RNF180: variants seen among roughly 807,000 people sequenced by gnomAD.
The protein encoded by RNF180 is E3 ubiquitin-protein ligase RNF180.
In RNF180, 38 loss-of-function variants were observed where a neutral mutation model predicts 59.2. The observed-to-expected ratio is 0.64, with a 90% CI of 0.50 to 0.84. The LOEUF is 0.84. Ranked by LOEUF, RNF180 falls within the 40% of genes least tolerant of loss-of-function variation. The probability of loss-of-function intolerance (pLI) is 0.00; values close to 1 mark genes in which losing one functional copy is unlikely to be tolerated. For missense variants in RNF180, 705 were observed against 700.9 expected (o/e 1.01, Z -0.07); for synonymous variants, 262 against 240.3 (o/e 1.09, Z -0.84).
intron 5 of RNF180, among the ~76,000 whole-genome samples, chr5:64,251,754 G>A (rs151201619): frequency 3.3e-5 from 5 of 152,082 alleles, no homozygotes; most frequent in African/African-American, 4.8e-5. Context: ...ATTCAGTAAC[G>A]ATACAGAATA....
intron 7 of RNF180, among the ~76,000 whole-genome samples, chr5:64,363,713 C>G (rs1257502433): frequency 6.6e-6 from 1 of 151,842 alleles, no homozygotes; most frequent in Non-Finnish European, 1.5e-5. Context: ...TTATTCCTAG[C>G]CATCACATGG....
chr5:64,234,757 G>A (rs1050487528), intron 5 of RNF180, among the ~76,000 whole-genome samples: 4 of 151,000 alleles, frequency 2.6e-5, no homozygotes, highest in Non-Finnish European at 5.9e-5. Context: ...CCGCCACCAC[G>A]CCTGGCTAAT....
At chr5:64,203,111 C>CTGTAGGA (rs1309500736) in intron 2 of RNF180, among the ~76,000 whole-genome samples, 1 of 152,120 alleles carries the variant, frequency 6.6e-6, no homozygotes, top group Non-Finnish European at 1.5e-5. Context: ...TCTAGCACTG[C>CTGTAGGA]TGTAGGATGT....
intron 5 of RNF180, among the ~76,000 whole-genome samples, chr5:64,251,220 G>A (rs895279112): frequency 2.0e-5 from 3 of 152,050 alleles, no homozygotes; most frequent in Admixed American, 6.6e-5. Context: ...CATATTTGAC[G>A]AGCCCACAAC....
Position 64,217,355 on chromosome 5 carries a change from CTCT to C in RNF180, c.1192-5_1192-3del. 1.4e-6 allele frequency: 2 copies of C among 1,399,690 alleles called. No individual in the cohort carries two copies. The highest frequency in any genetic ancestry group is 1.9e-6 in the Non-Finnish European group (2 of 1,072,918). The allele number at this position is 1,399,690 out of a possible 1,614,324, so 86.7% of individuals were successfully genotyped here. ...TTTGTGTGAACCTAATTTTTTATTT[CTCT>C]AGGGTAAATACTCAGGAGTGGGATT... On this transcript the variant is annotated splice_polypyrimidine_tract_variant and splice_region_variant and intron_variant, in intron 4 of 7. Coordinates refer to ENST00000389100, the MANE Select transcript of RNF180 (RefSeq NM_001113561.2).
chr5:64,271,198 A>AT (rs1741375864), intron 5 of RNF180, among the ~76,000 whole-genome samples: 1 of 152,132 alleles, frequency 6.6e-6, no homozygotes, highest in Non-Finnish European at 1.5e-5. Flanking sequence ...AGATTATTGC[A>AT]TTAAATAAAA....
intron 5 of RNF180, among the ~76,000 whole-genome samples, chr5:64,230,379 C>T (rs1031453183): frequency 2.0e-5 from 3 of 152,202 alleles, no homozygotes; most frequent in Non-Finnish European, 4.4e-5. Context: ...TTTCTGCAGG[C>T]TCCAGGGGAG....
rs528480504 is a variant in RNF180, at chr5:64,298,663, A to T, written c.1228-26523A>T. Among the ~76,000 whole-genome samples, 57 of 152,170 alleles carry T rather than the reference A, an allele frequency of 3.7e-4. No individual in the cohort carries two copies. In the South Asian group the frequency reaches 0.01, roughly 27 times the overall value. On this transcript the variant is annotated intron_variant, in intron 5 of 7. Coordinates refer to ENST00000389100, the MANE Select transcript of RNF180 (RefSeq NM_001113561.2). ...AAACTCTTAGACAAATTTAAATTTT[A>T]ATTGAGTTTATTCAGCAAAGAAAAA...
At chr5:64,222,948 A>C (rs1014639873) in intron 5 of RNF180, among the ~76,000 whole-genome samples, 4 of 152,246 alleles carry the variant, frequency 2.6e-5, no homozygotes, top group African/African-American at 9.6e-5. Flanking sequence ...TAACAGAGGA[A>C]AAATAATTGT....
At chr5:64,212,377 A>G (rs540641522) in intron 3 of RNF180, among the ~76,000 whole-genome samples, 4 of 151,924 alleles carry the variant, frequency 2.6e-5, no homozygotes, top group South Asian at 2.1e-4. Context: ...CACACATAAT[A>G]TATGTTACTT....
chr5:64,274,180 A>AT (rs936016062), intron 5 of RNF180, among the ~76,000 whole-genome samples: 12 of 151,584 alleles, frequency 7.9e-5, no homozygotes, highest in South Asian at 4.2e-4. Flanking sequence ...CATTCCATAC[A>AT]TTTTTTTTAG....
At chr5:64,236,607 C>T (rs752290791) in intron 5 of RNF180, among the ~76,000 whole-genome samples, 15 of 152,212 alleles carry the variant, frequency 9.9e-5, no homozygotes, top group Non-Finnish European at 1.8e-4. Flanking sequence ...ATATTAATAA[C>T]CAAGACAATG....
At chr5:64,175,259 G>A (rs968269982) in intron 1 of RNF180, among the ~76,000 whole-genome samples, 2 of 152,172 alleles carry the variant, frequency 1.3e-5, no homozygotes, top group Non-Finnish European at 2.9e-5. Flanking sequence ...GAGCCACTGT[G>A]CCTCGCCAAT....
chr5:64,369,839 A>T lies in RNF180; in HGVS notation c.*25A>T, dbSNP rs1453284607. The T allele has an allele frequency of 1.5e-5, 19 of 1,258,960 alleles. No individual in the cohort carries two copies. The highest frequency in any genetic ancestry group is 2.0e-5 in the Non-Finnish European group (19 of 947,942). 78.0% of individuals were successfully genotyped at this position (1,258,960 alleles called of 1,614,324 possible). A position where few individuals can be genotyped will look rare whatever the true frequency, so the allele number is the denominator to read the frequency against. ...GGAATTTCATACCTTACTACAATTG[A>T]CCAATCATAAATGATGTAAATAACA... On this transcript the variant is annotated 3_prime_UTR_variant, in exon 8 of 8. Coordinates refer to ENST00000389100, the MANE Select transcript of RNF180 (RefSeq NM_001113561.2).
intron 7 of RNF180, among the ~76,000 whole-genome samples, chr5:64,338,360 C>T (rs1040715095): frequency 2.0e-5 from 3 of 152,132 alleles, no homozygotes; most frequent in Admixed American, 1.3e-4. Context: ...TTTGGCTGGG[C>T]GCAGTGGCTC....
At position 64,369,964 on chromosome 5, in the gene RNF180, A is replaced by T; in HGVS notation, c.*150A>T. On this transcript the variant is annotated 3_prime_UTR_variant, in exon 8 of 8. Transcript: ENST00000389100. ...AAGCCTGAGAATAATGAATTTATTTATTAATGTTTTTCATGTAACAAACTA... is the reference window on the plus strand; with the variant it reads ...AAGCCTGAGAATAATGAATTTATTTTTTAATGTTTTTCATGTAACAAACTA... 1 of 511,548 alleles carries T rather than the reference A, an allele frequency of 2.0e-6. No individual in the cohort carries two copies. Among genetic ancestry groups the T allele is most frequent in the Non-Finnish European group, 3.4e-6 (1 of 298,224 alleles). 31.7% of individuals were successfully genotyped at this position (511,548 alleles called of 1,614,324 possible).
intron 2 of RNF180, among the ~76,000 whole-genome samples, chr5:64,206,873 G>C (rs1405099674): frequency 6.6e-6 from 1 of 152,130 alleles, no homozygotes; most frequent in African/African-American, 2.4e-5. Context: ...CTGGCACCCT[G>C]ATCTCAAACC....
At chr5:64,199,236 G>A (rs1221921988) in intron 1 of RNF180, among the ~76,000 whole-genome samples, 1 of 152,202 alleles carries the variant, frequency 6.6e-6, no homozygotes, top group Non-Finnish European at 1.5e-5. Context: ...CTACTTGAAG[G>A]TCTGAACTAG....
intron 5 of RNF180, among the ~76,000 whole-genome samples, chr5:64,317,051 C>T (rs1744075151): frequency 6.6e-6 from 1 of 152,146 alleles, no homozygotes; most frequent in Admixed American, 6.5e-5. Context: ...AGATGCAGAA[C>T]CTGCAGACAT....
Sources: gnomAD v4.1 joint callset for allele counts (sites outside exome capture counted in the v4.1 genomes callset) on GRCh38, gnomAD v4.1.1 for gene constraint, MANE v1.5 for transcripts, NCBI Gene and HGNC (gene_info 2026-07-23, HGNC 2026-07-21) for gene names.